WRN: variants seen among roughly 807,000 people sequenced by gnomAD.
WRN encodes bifunctional 3'-5' exonuclease/ATP-dependent helicase WRN.
A neutral mutation model predicts 180.7 loss-of-function variants in WRN; 149 were observed. That is an observed-to-expected ratio of 0.82 (90% CI 0.72 to 0.94). The LOEUF (loss-of-function observed/expected upper bound fraction) is 0.94. Ranked by LOEUF, WRN falls within the 40% of genes least tolerant of loss-of-function variation. The pLI is 0.00. For missense variants in WRN, 1,661 were observed against 1,700.1 expected (o/e 0.98, Z 0.40); for synonymous variants, 548 against 568.9 (o/e 0.96, Z 0.52).
At chr8:31,109,953 C>A (rs1175068819) in intron 18 of WRN, among the ~76,000 whole-genome samples, 1 of 152,118 alleles carries the variant, frequency 6.6e-6, no homozygotes, top group Non-Finnish European at 1.5e-5. Context: ...AAATATATTA[C>A]CTGCTCACTT....
chr8:31,088,211 C>CT (rs1813612563), intron 12 of WRN, among the ~76,000 whole-genome samples: 1 of 152,148 alleles, frequency 6.6e-6, no homozygotes, highest in African/African-American at 2.4e-5. Context: ...GCTGAGAACT[C>CT]TAACAATGAA....
intron 31 of WRN, among the ~76,000 whole-genome samples, chr8:31,153,923 T>C (rs1803254821): frequency 6.6e-6 from 1 of 152,134 alleles, no homozygotes. Context: ...ACGAGGCTCT[T>C]CTTTAAATTA....
At position 31,116,503 on chromosome 8, in the gene WRN, A is replaced by G. The variant is rs377012608; in HGVS notation, c.2423A>G (p.His808Arg). ...TTTAGCACAAGGAAAGACATTCATC[A>G]TAGGTTTGTAAGAGATGAAATTCAG... ...MSFSTRKDIH[H>R]RFVRDEIQCV... Residue 808 changes from histidine to arginine, a missense_variant, in exon 20 of 35, where the codon CAT becomes CGT. By Grantham distance (29) the His-to-Arg change is conservative. Around this residue, in one of 3 missense-constraint regions of WRN, gnomAD observed 1,141 missense variants for 1,149.4 expected, o/e 0.99. Coordinates refer to ENST00000298139, the MANE Select transcript of WRN (RefSeq NM_000553.6). The G allele has an allele frequency of 9.3e-6, 15 of 1,613,868 alleles. No individual in the cohort carries two copies. The African/African-American group carries it at 1.9e-4, about 20-fold the overall frequency.
At chr8:31,115,960 T>A (rs1801501489) in intron 19 of WRN, among the ~76,000 whole-genome samples, 1 of 152,234 alleles carries the variant, frequency 6.6e-6, no homozygotes, top group South Asian at 2.1e-4. Context: ...AAGAACAGTG[T>A]AACAAGTTTT....
intron 18 of WRN, among the ~76,000 whole-genome samples, chr8:31,110,307 C>T (rs1801262103): frequency 6.6e-6 from 1 of 152,082 alleles, no homozygotes; most frequent in Admixed American, 6.6e-5. Flanking sequence ...ATTCAGAGAA[C>T]AATCTGATTG....
chr8:31,036,518 T>C (rs552443017), intron 1 of WRN, among the ~76,000 whole-genome samples: 3 of 152,324 alleles, frequency 2.0e-5, no homozygotes, highest in South Asian at 2.1e-4. Context: ...CCAACACTTA[T>C]CTTTTGTCTT....
chr8:31,132,345 ATGT>A lies in WRN; in HGVS notation c.2826-18_2826-16del. On this transcript the variant is annotated splice_polypyrimidine_tract_variant and intron_variant, in intron 23 of 34. Coordinates refer to ENST00000298139, the MANE Select transcript of WRN (RefSeq NM_000553.6). ...CATGCCTTTGCTAAGCTTTCTTCAA[ATGT>A]TATTATTTTTATTTAGATTGGATCA... 6.2e-7 allele frequency: 1 copy of A among 1,611,770 alleles called. No homozygotes were observed. Among genetic ancestry groups the A allele is most frequent in the Non-Finnish European group, 8.5e-7 (1 of 1,178,976 alleles).
intron 8 of WRN, among the ~76,000 whole-genome samples, chr8:31,077,364 C>T (rs1179169355): frequency 6.6e-6 from 1 of 152,080 alleles, no homozygotes; most frequent in Non-Finnish European, 1.5e-5. Flanking sequence ...CCTCAGCCTC[C>T]CGAGTAGCTG....
intron 1 of WRN, among the ~76,000 whole-genome samples, chr8:31,042,484 A>G (rs1811697353): frequency 1.3e-5 from 2 of 152,190 alleles, no homozygotes; most frequent in Non-Finnish European, 2.9e-5. Context: ...ATGTGGTTAT[A>G]TTGTAACTAA....
rs1267432535 is a variant in WRN, at chr8:31,087,886, T to C, written c.1542T>C (p.Asn514=). 2 of 1,613,382 alleles carry C rather than the reference T, an allele frequency of 1.2e-6. No homozygotes were observed. Among genetic ancestry groups the C allele is most frequent in the Admixed American group, 3.3e-5 (2 of 59,944 alleles). ...PTKEEEEDDE[N]EANEGEEDDD... ...AAGAAGAAGAAGAAGATGATGAAAA[T>C]GAAGCTAATGAAGGGGAAGAAGATG... is the stretch of plus-strand genomic sequence containing the variant. Residue 514 remains asparagine, a synonymous_variant, in exon 12 of 35, where the codon AAT becomes AAC. Coordinates refer to ENST00000298139, the MANE Select transcript of WRN (RefSeq NM_000553.6).
chr8:31,063,214 T>A (rs1478687398), intron 3 of WRN, among the ~76,000 whole-genome samples: 1 of 152,228 alleles, frequency 6.6e-6, no homozygotes, highest in Non-Finnish European at 1.5e-5. Context: ...TTAAAAACTT[T>A]AAAAAATGCT....
At chr8:31,118,651 A>G (rs1296197459) in intron 20 of WRN, among the ~76,000 whole-genome samples, 1 of 152,008 alleles carries the variant, frequency 6.6e-6, no homozygotes, top group African/African-American at 2.4e-5. Flanking sequence ...GTAGCTCTTA[A>G]TGTCTTACAC....
At chr8:31,074,911 A>G (rs923417580) in intron 7 of WRN, among the ~76,000 whole-genome samples, 4 of 152,188 alleles carry the variant, frequency 2.6e-5, no homozygotes, top group African/African-American at 7.2e-5. Flanking sequence ...TGGGGAAAGC[A>G]TGCTGGAAGG....
intron 23 of WRN, chr8:31,131,407 C>G (rs1317782394): frequency 6.6e-6 from 1 of 152,348 alleles, no homozygotes; most frequent in Non-Finnish European, 1.5e-5. Flanking sequence ...CCACCCGCCT[C>G]AGCCTCCCAA....
At position 31,090,915 on chromosome 8, in the gene WRN, T is replaced by G; in HGVS notation, c.1802T>G (p.Leu601Arg). The change falls in exon 15 of 35, where the codon CTG (leucine) becomes CGG (arginine). Residue 601 changes from leucine to arginine, a missense_variant. Leu to Arg is a moderately radical substitution (Grantham distance 102). Coordinates refer to ENST00000298139, the MANE Select transcript of WRN (RefSeq NM_000553.6). The stretch of plus-strand genomic sequence containing the variant: ...CTTGTTATCTCTCCCCTTATTTCTC[T>G]GATGGAAGACCAAGTGCTACAGCTT... ...IGLVISPLIS[L>R]MEDQVLQLKM... The G allele has an allele frequency of 6.2e-7, 1 of 1,613,040 alleles. No individual in the cohort carries two copies.
At chr8:31,050,971 CATT>C (rs1812056860) in intron 1 of WRN, among the ~76,000 whole-genome samples, 1 of 152,036 alleles carries the variant, frequency 6.6e-6, no homozygotes, top group African/African-American at 2.4e-5. Flanking sequence ...AATTTTTCCA[CATT>C]AAACAGTATA....
At chr8:31,076,545 CATTTTGAAATTATATCT>C (rs1585422275) in intron 8 of WRN, among the ~76,000 whole-genome samples, 1 of 151,996 alleles carries the variant, frequency 6.6e-6, no homozygotes, top group African/African-American at 2.4e-5. Flanking sequence ...TCATATTATA[CATTTTGAAATTATATCT>C]ATATTATATT....
At chr8:31,132,334 G>C in intron 23 of WRN, 31 bp from the exon 24 acceptor site, 1 of 1,608,024 alleles carries the variant, frequency 6.2e-7, no homozygotes, top group Non-Finnish European at 8.5e-7. Context: ...CCTTTGCTAA[G>C]CTTTCTTCAA....
chr8:31,088,917 A>T lies in WRN; in HGVS notation c.1604A>T (p.Glu535Val), dbSNP rs765475534. ...KDFLWPAPNE[E>V]QVTCLKMYFG... ...TTTTTGTGGCCAGCACCCAATGAAGAGCAAGTTACTTGCCTCAAGATGTAC... is the reference window on the plus strand; with the variant it reads ...TTTTTGTGGCCAGCACCCAATGAAGTGCAAGTTACTTGCCTCAAGATGTAC... The change falls in exon 13 of 35, where the codon GAG (glutamate) becomes GTG (valine). Residue 535 changes from glutamate to valine, a missense_variant. By Grantham distance (121) the Glu-to-Val change is moderately radical. This residue lies in a region of WRN where 1,141 missense variants were observed against 1,149.4 expected (regional missense o/e 0.99). Coordinates refer to ENST00000298139, the MANE Select transcript of WRN (RefSeq NM_000553.6). 11 of 1,611,684 alleles carry T rather than the reference A, an allele frequency of 6.8e-6. No homozygotes were observed. Among genetic ancestry groups the T allele is most frequent in the Non-Finnish European group, 9.3e-6 (11 of 1,178,774 alleles).
Sources: gnomAD v4.1 joint callset for allele counts (sites outside exome capture counted in the v4.1 genomes callset) on GRCh38, gnomAD v4.1.1 for gene constraint, gnomAD v4.1.1 regional missense constraint, MANE v1.5 for transcripts, NCBI Gene and HGNC (gene_info 2026-07-23, HGNC 2026-07-21) for gene names.